Variants in STRA6 observed in about 807,000 individuals in gnomAD.
STRA6 encodes signaling receptor and transporter of retinol STRA6.
In STRA6, 48 loss-of-function variants were observed where a neutral mutation model predicts 83.6. The ratio of observed to expected loss-of-function variants is 0.57; its 90% confidence interval spans 0.46 to 0.73. The LOEUF is 0.73. STRA6 is among the 30% of genes least tolerant of loss of function. The pLI, the probability that STRA6 is intolerant of heterozygous loss-of-function variation, is 0.00. For synonymous variants in STRA6, 353 were observed against 362.3 expected (o/e 0.97, Z 0.29); for missense variants, 760 against 838.8 (o/e 0.91, Z 1.16).
upstream of STRA6, among the ~76,000 whole-genome samples, chr15:74,203,420 C>T (rs1181352753): frequency 6.6e-6 from 1 of 152,196 alleles, no homozygotes; most frequent in East Asian, 1.9e-4. Context: ...GAGCAGGACC[C>T]TGCCCCAGCC....
At chr15:74,193,504 TCA>T (rs1776558795) in intron 8 of STRA6, among the ~76,000 whole-genome samples, 1 of 152,194 alleles carries the variant, frequency 6.6e-6, no homozygotes, top group South Asian at 2.1e-4. Flanking sequence ...CAGCCAGATC[TCA>T]GTGTTTCACA....
At position 74,181,459 on chromosome 15, in the gene STRA6, C is replaced by T. The variant is rs397518484; in HGVS notation, c.1521-1G>A. The T allele has an allele frequency of 2.5e-6, 4 of 1,613,582 alleles. No individual in the cohort carries two copies. The highest frequency in any genetic ancestry group is 3.4e-6 in the Non-Finnish European group (4 of 1,179,872). On this transcript the variant is annotated splice_acceptor_variant, in intron 16 of 18. Coordinates refer to ENST00000395105, the MANE Select transcript of STRA6 (RefSeq NM_022369.4). LOFTEE classifies it high-confidence loss of function. ...AAAGGTGGCTGCATAGAGCACTCGC[C>T]TAGGATGGGAGAAGAAAGCTGAGGC...
At chr15:74,181,068 C>T in intron 17 of STRA6, 131 bp from the exon 18 acceptor site, 1 of 1,423,602 alleles carries the variant, frequency 7.0e-7, no homozygotes, top group East Asian at 2.3e-5. Flanking sequence ...ACACCAAGCA[C>T]GTGGCACATT....
intron 2 of STRA6, among the ~76,000 whole-genome samples, chr15:74,198,879 G>A (rs2073936769): frequency 6.6e-6 from 1 of 152,212 alleles, no homozygotes; most frequent in African/African-American, 2.4e-5. Context: ...AGGGGTCACT[G>A]AGGACAATGA....
At chr15:74,203,820 G>A (rs757028324), upstream of STRA6, among the ~76,000 whole-genome samples, 4 of 152,102 alleles carry the variant, frequency 2.6e-5, no homozygotes, top group Non-Finnish European at 5.9e-5. Flanking sequence ...GGGGATGGGG[G>A]GAGATTCCTG....
chr15:74,198,430 C>A (rs1215990782), intron 2 of STRA6, among the ~76,000 whole-genome samples: 1 of 152,154 alleles, frequency 6.6e-6, no homozygotes, highest in Non-Finnish European at 1.5e-5. Context: ...TTCTTGCTCA[C>A]CCAGATGCTT....
chr15:74,181,166 A>C (rs1399958648), intron 17 of STRA6, 129 bp downstream of exon 17: 1 of 1,435,090 alleles, frequency 7.0e-7, no homozygotes, highest in Non-Finnish European at 9.5e-7. Flanking sequence ...GCAGGGGCAC[A>C]CAGGTGGCAC....
rs2073079635 is a variant in STRA6, at chr15:74,183,260, G to A, written c.1300+596C>T. ...TGACAGGGATCTCATTACCTTTGTAGGTAGCCAAATGTGACACAGCCCTTT... is the reference window on the plus strand; with the variant it reads ...TGACAGGGATCTCATTACCTTTGTAAGTAGCCAAATGTGACACAGCCCTTT... On this transcript the variant is annotated intron_variant, in intron 14 of 18. Coordinates refer to ENST00000395105, the MANE Select transcript of STRA6 (RefSeq NM_022369.4). 3 of 176,632 alleles carry A rather than the reference G, an allele frequency of 1.7e-5. No homozygotes were observed. The South Asian group carries it at 3.9e-4, about 23-fold the overall frequency. The allele number at this position is 176,632 out of a possible 1,614,324, so 10.9% of individuals were successfully genotyped here. A position where few individuals can be genotyped will look rare whatever the true frequency, so the allele number is the denominator to read the frequency against.
At chr15:74,202,620 T>C in intron 1 of STRA6, 93 bp downstream of exon 1, 1 of 1,434,318 alleles carries the variant, frequency 7.0e-7, no homozygotes, top group South Asian at 1.5e-5. Context: ...CAAAGGACCA[T>C]TTTCAAAGAA....
At chr15:74,191,279 G>A (rs2142033137) in intron 9 of STRA6, 36 bp from the exon 10 acceptor site, 1 of 1,612,302 alleles carries the variant, frequency 6.2e-7, no homozygotes, top group Non-Finnish European at 8.5e-7. Flanking sequence ...GGGTCCTCAG[G>A]GGAAGCCCAT....
intron 12 of STRA6, 69 bp downstream of exon 12, chr15:74,189,046 G>A: frequency 6.3e-7 from 1 of 1,584,258 alleles, no homozygotes; most frequent in Admixed American, 1.7e-5. Flanking sequence ...GGCTGACTAG[G>A]GCATAGACCT....
At chr15:74,195,928 T>C in intron 5 of STRA6, 80 bp downstream of exon 5, 1 of 1,592,222 alleles carries the variant, frequency 6.3e-7, no homozygotes, top group Non-Finnish European at 8.6e-7. Context: ...CTCATCTCCT[T>C]GAGCCAAGCT....
chr15:74,200,113 G>C lies in STRA6; in HGVS notation c.113+2042C>G, dbSNP rs769837556. 2.0e-5 allele frequency among the ~76,000 whole-genome samples: 3 copies of C among 152,152 alleles called. No individual in the cohort carries two copies. The South Asian group carries it at 6.2e-4, about 32-fold the overall frequency. On this transcript the variant is annotated intron_variant, in intron 2 of 18. Transcript: ENST00000395105. ...CACGCACCTGTAATCCCAGCTACTC[G>C]GGAGGCTGAGGCAGGAGAATCACTT...
chr15:74,180,847 T>C lies in STRA6; in HGVS notation c.1775A>G (p.Gln592Arg), dbSNP rs1168504174. Residue 592 changes from glutamine to arginine, a missense_variant, in exon 18 of 19, where the codon CAG becomes CGG. Gln to Arg is a conservative substitution (Grantham distance 43). Transcript: ENST00000395105. Reference protein sequence around the residue: ...TAFCSLLLQAQSLLPRTMAAP... With the variant: ...TAFCSLLLQARSLLPRTMAAP... ...TGCCATGGTCCTGGGTAGGAGGCTC[T>C]GCGCTTGCAGGAGCAGGGAGCAGAA... 1 of 1,614,084 alleles carries C rather than the reference T, an allele frequency of 6.2e-7. No homozygotes were observed. The highest frequency in any genetic ancestry group is 2.2e-5 in the East Asian group (1 of 44,888).
chr15:74,202,782 C>A lies in STRA6; in HGVS notation c.-85G>T, dbSNP rs1007009215. ...TAGGCAGCCCACGGCCAGCTCCGCA[C>A]TGCCTGCCTGGGCCCTCCCAGCTGG... is the stretch of plus-strand genomic sequence containing the variant. On this transcript the variant is annotated 5_prime_UTR_variant, in exon 1 of 19. Coordinates refer to ENST00000395105, the MANE Select transcript of STRA6 (RefSeq NM_022369.4). 12 of 1,150,306 alleles carry A rather than the reference C, an allele frequency of 1.0e-5. No homozygotes were observed. The highest frequency in any genetic ancestry group is 4.5e-5 in the Admixed American group (1 of 22,140). The allele number at this position is 1,150,306 out of a possible 1,614,324, so 71.3% of individuals were successfully genotyped here. A position where few individuals can be genotyped will look rare whatever the true frequency, so the allele number is the denominator to read the frequency against.
upstream of STRA6, among the ~76,000 whole-genome samples, chr15:74,204,980 G>T (rs754032859): frequency 1.3e-5 from 2 of 152,064 alleles, no homozygotes; most frequent in Non-Finnish European, 2.9e-5. Context: ...CTCTTCCTTG[G>T]AGGAAGCCTA....
intron 8 of STRA6, among the ~76,000 whole-genome samples, chr15:74,192,512 T>C (rs2073597738): frequency 6.6e-6 from 1 of 152,114 alleles, no homozygotes; most frequent in African/African-American, 2.4e-5. Flanking sequence ...ACTCTCTGGA[T>C]TCAGTCTGAC....
intron 1 of STRA6, among the ~76,000 whole-genome samples, chr15:74,208,278 G>T (rs747278005): frequency 2.6e-5 from 4 of 152,162 alleles, no homozygotes; most frequent in Non-Finnish European, 4.4e-5. Flanking sequence ...TTAACATCAA[G>T]ATGCAACAGA....
At chr15:74,191,310 A>G in intron 9 of STRA6, 67 bp from the exon 10 acceptor site, 1 of 1,608,780 alleles carries the variant, frequency 6.2e-7, no homozygotes, top group Non-Finnish European at 8.5e-7. Flanking sequence ...CCAGCCCCAG[A>G]GGCTGGTCAT....
Sources: allele counts gnomAD v4.1 joint callset (sites outside exome capture counted in the v4.1 genomes callset), GRCh38; gene constraint gnomAD v4.1.1; transcripts MANE v1.5; gene names NCBI Gene and HGNC (gene_info 2026-07-23, HGNC 2026-07-21).